The following TMEM266 variants were observed in gnomAD, a reference collection of about 807,000 sequenced individuals.
TMEM266 encodes transmembrane protein 266, also known as Hv1 related protein 1.
A neutral mutation model predicts 50.5 loss-of-function variants in TMEM266; 33 were observed. The observed-to-expected ratio is 0.65, with a 90% confidence interval of 0.50 to 0.87. TMEM266 has a LOEUF of 0.87. TMEM266 is among the 40% of genes least tolerant of loss of function. TMEM266 has a pLI of 0.00. For synonymous variants in TMEM266, 310 were observed against 292.3 expected (o/e 1.06, Z -0.62); for missense variants, 655 against 695.1 (o/e 0.94, Z 0.65).
At chr15:76,144,842 G>A (rs2037733821) in intron 3 of TMEM266, among the ~76,000 whole-genome samples, 1 of 152,180 alleles carries the variant, frequency 6.6e-6, no homozygotes, top group African/African-American at 2.4e-5. Context: ...CTGCACCCCA[G>A]CTGAGCCGCC....
rs533054686 is a variant in TMEM266, at chr15:76,078,343, A to G, written c.-97+18327A>G. 1.8e-4 allele frequency among the ~76,000 whole-genome samples: 28 copies of G among 152,164 alleles called. 1 individual carries two copies. Among genetic ancestry groups the G allele is most frequent in the African/African-American group, 6.8e-4 (28 of 41,428 alleles). On this transcript the variant is annotated intron_variant, in intron 1 of 10. Coordinates refer to ENST00000388942, the MANE Select transcript of TMEM266 (RefSeq NM_152335.3). ...GAATATGAGCATTTTCAATACTGGA[A>G]TAAAAGCCTCCTCTCTTTCTCACAC...
rs552958710 is a variant in TMEM266, at chr15:76,147,654, C to T, written c.228-8950C>T. ...CAACGGAATAAAAGTTTAATTTAGA[C>T]GAAAACATTTTTCCTGATGAGCACT... On this transcript the variant is annotated intron_variant, in intron 3 of 10. Coordinates refer to ENST00000388942, the MANE Select transcript of TMEM266 (RefSeq NM_152335.3). Among the ~76,000 whole-genome samples the T allele has an allele frequency of 5.9e-5, 9 of 152,318 alleles. No homozygotes were observed. In the East Asian group the frequency reaches 1.3e-3, roughly 23 times the overall value.
At chr15:76,118,191 CTCAGCTGGCCT>C (rs2037280396) in intron 1 of TMEM266, among the ~76,000 whole-genome samples, 1 of 152,234 alleles carries the variant, frequency 6.6e-6, no homozygotes, top group South Asian at 2.1e-4. Flanking sequence ...CACTGAGCCA[CTCAGCTGGCCT>C]TCAGCACATA....
intron 8 of TMEM266, among the ~76,000 whole-genome samples, chr15:76,181,826 G>A (rs1031134523): frequency 2.6e-5 from 4 of 152,168 alleles, no homozygotes; most frequent in South Asian, 2.1e-4. Flanking sequence ...ACCTCCATGC[G>A]TGGGATCTCG....
intron 3 of TMEM266, among the ~76,000 whole-genome samples, chr15:76,154,529 C>T (rs1489343989): frequency 6.6e-6 from 1 of 152,018 alleles, no homozygotes; most frequent in Non-Finnish European, 1.5e-5. Flanking sequence ...AATGGAAAAC[C>T]CTCTCTTTTG....
chr15:76,194,839 G>C (rs183352469), intron 9 of TMEM266, among the ~76,000 whole-genome samples: 1 of 152,052 alleles, frequency 6.6e-6, no homozygotes, highest in African/African-American at 2.4e-5. Context: ...ATCTGCAACC[G>C]CTTTCTTTCC....
At chr15:76,128,804 G>T (rs1158011193) in intron 1 of TMEM266, among the ~76,000 whole-genome samples, 2 of 152,084 alleles carry the variant, frequency 1.3e-5, no homozygotes, top group Non-Finnish European at 2.9e-5. Context: ...TTGTACCAGA[G>T]AGGCCAGTCG....
chr15:76,204,611 T>G lies in TMEM266; in HGVS notation c.*296T>G. 4.0e-6 allele frequency: 1 copy of G among 251,036 alleles called. No individual in the cohort carries two copies. The highest frequency in any genetic ancestry group is 8.1e-5 in the East Asian group (1 of 12,346). The allele number at this position is 251,036 out of a possible 1,614,324, so 15.6% of individuals were successfully genotyped here. ...GTGGCCCAGCTTCAGCAGGGTAGAG[T>G]GTGGGGGGGCCAGCTCAGCCTCTTG... On this transcript the variant is annotated 3_prime_UTR_variant, in exon 11 of 11. Coordinates refer to ENST00000388942, the MANE Select transcript of TMEM266 (RefSeq NM_152335.3).
At chr15:76,123,080 G>A (rs1057368873) in intron 1 of TMEM266, among the ~76,000 whole-genome samples, 1 of 152,162 alleles carries the variant, frequency 6.6e-6, no homozygotes, top group Non-Finnish European at 1.5e-5. Flanking sequence ...AAAGTTAAAG[G>A]GGTCCACAAG....
chr15:76,127,459 T>C (rs1266542946), intron 1 of TMEM266, among the ~76,000 whole-genome samples: 1 of 152,066 alleles, frequency 6.6e-6, no homozygotes, highest in Non-Finnish European at 1.5e-5. Flanking sequence ...CCAGAGCAGC[T>C]GAGACTATAG....
At chr15:76,062,524 AG>A (rs1331871868) in intron 1 of TMEM266, among the ~76,000 whole-genome samples, 1 of 152,234 alleles carries the variant, frequency 6.6e-6, no homozygotes, top group African/African-American at 2.4e-5. Flanking sequence ...GTCTATGATC[AG>A]ATAAACTCAA....
intron 1 of TMEM266, among the ~76,000 whole-genome samples, chr15:76,082,650 A>G (rs2036712441): frequency 6.6e-6 from 1 of 151,962 alleles, no homozygotes; most frequent in Non-Finnish European, 1.5e-5. Context: ...AAGAAGGAGC[A>G]AGAGAGCCGC....
At chr15:76,143,861 G>A (rs1054590903) in intron 3 of TMEM266, among the ~76,000 whole-genome samples, 2 of 152,046 alleles carry the variant, frequency 1.3e-5, no homozygotes, top group South Asian at 2.1e-4. Flanking sequence ...ATTCAAAGTC[G>A]TGTCTCTAGC....
chr15:76,181,800 C>G (rs957705789), intron 8 of TMEM266, among the ~76,000 whole-genome samples: 1 of 152,216 alleles, frequency 6.6e-6, no homozygotes, highest in African/African-American at 2.4e-5. Flanking sequence ...ACGAAACCAC[C>G]TCTGAGGTTT....
intron 1 of TMEM266, among the ~76,000 whole-genome samples, chr15:76,105,156 A>G (rs1468081671): frequency 6.6e-6 from 1 of 152,106 alleles, no homozygotes; most frequent in Non-Finnish European, 1.5e-5. Context: ...TGAGACAGAA[A>G]AATCGCTTGA....
At chr15:76,061,536 A>G (rs2036304146) in intron 1 of TMEM266, among the ~76,000 whole-genome samples, 1 of 152,206 alleles carries the variant, frequency 6.6e-6, no homozygotes. Context: ...AAGCTTATGC[A>G]TGAGCATGTT....
intron 1 of TMEM266, among the ~76,000 whole-genome samples, chr15:76,085,628 A>G (rs996411533): frequency 1.3e-5 from 2 of 152,212 alleles, no homozygotes; most frequent in African/African-American, 2.4e-5. Context: ...GGTGTTATAA[A>G]ATGGTATAGC....
intron 10 of TMEM266, among the ~76,000 whole-genome samples, chr15:76,202,658 A>G (rs949251528): frequency 2.6e-5 from 4 of 152,254 alleles, no homozygotes; most frequent in Admixed American, 6.5e-5. Context: ...GGCCTTGGGT[A>G]CATTCCTGCT....
chr15:76,195,055 T>C (rs192085555), intron 9 of TMEM266, among the ~76,000 whole-genome samples: 5 of 152,300 alleles, frequency 3.3e-5, no homozygotes, highest in Admixed American at 2.0e-4. Context: ...GTAAATGTTC[T>C]GTACGGTTTC....
Sources: gnomAD v4.1 joint callset for allele counts (sites outside exome capture counted in the v4.1 genomes callset) on GRCh38, gnomAD v4.1.1 for gene constraint, MANE v1.5 for transcripts, NCBI Gene and HGNC (gene_info 2026-07-23, HGNC 2026-07-21) for gene names.